SLCO5A1: variants seen among roughly 807,000 people sequenced by gnomAD.
The protein encoded by SLCO5A1 is organic anion transporter polypeptide-related protein 4.
Under a neutral mutation model 65.1 loss-of-function variants are expected in SLCO5A1, and 39 were observed. The observed-to-expected ratio is 0.60, with a 90% CI of 0.46 to 0.78. The LOEUF (loss-of-function observed/expected upper bound fraction) is 0.78, where lower values mean the gene tolerates loss of function less well. Among genes scored for constraint, SLCO5A1 ranks in the 30% least tolerant of loss-of-function variants. SLCO5A1 has a pLI of 0.00. For missense variants in SLCO5A1, 1,029 were observed against 1,069.4 expected, an observed-to-expected ratio of 0.96 and a Z score of 0.53; for synonymous variants, 438 against 415.7, an observed-to-expected ratio of 1.05 and a Z score of -0.65.
At chr8:69,737,957 T>C in intron 5 of SLCO5A1, 83 bp downstream of exon 5, 3 of 1,452,904 alleles carry the variant, frequency 2.1e-6, no homozygotes, top group African/African-American at 1.4e-5. Context: ...CACTTCGATG[T>C]TAGATTGAAC....
intron 3 of SLCO5A1, among the ~76,000 whole-genome samples, chr8:69,759,639 T>TTTTA (rs1169061256): frequency 1.5e-4 from 23 of 152,166 alleles, no homozygotes; most frequent in South Asian, 4.2e-4. Flanking sequence ...CATCTCTCAA[T>TTTTA]TTTATTTATT....
At chr8:69,786,414 A>G (rs1819042198) in intron 2 of SLCO5A1, among the ~76,000 whole-genome samples, 1 of 152,206 alleles carries the variant, frequency 6.6e-6, no homozygotes, top group African/African-American at 2.4e-5. Flanking sequence ...CTGAGGGACA[A>G]AAAAACTAAT....
At chr8:69,830,185 A>G (rs1378628558) in intron 2 of SLCO5A1, among the ~76,000 whole-genome samples, 1 of 152,130 alleles carries the variant, frequency 6.6e-6, no homozygotes, top group Non-Finnish European at 1.5e-5. Flanking sequence ...TGAGGACTCA[A>G]ACACCCCTCT....
At chr8:69,689,011 C>T (rs1347652893) in intron 6 of SLCO5A1, among the ~76,000 whole-genome samples, 7 of 147,810 alleles carry the variant, frequency 4.7e-5, no homozygotes, top group Admixed American at 3.4e-4. Flanking sequence ...TGTTTCCTGA[C>T]TTTTTAATGA....
At chr8:69,716,846 C>T (rs1815565993) in intron 5 of SLCO5A1, among the ~76,000 whole-genome samples, 1 of 151,410 alleles carries the variant, frequency 6.6e-6, no homozygotes, top group South Asian at 2.1e-4. Context: ...GTGGCACAGC[C>T]ATGGCTCACT....
intron 2 of SLCO5A1, among the ~76,000 whole-genome samples, chr8:69,803,321 GCA>G (rs1245168579): frequency 2.0e-5 from 3 of 152,172 alleles, no homozygotes; most frequent in Non-Finnish European, 4.4e-5. Flanking sequence ...GGAGGCTGAG[GCA>G]GGAGAATCAC....
intron 9 of SLCO5A1, among the ~76,000 whole-genome samples, chr8:69,674,206 A>C (rs1209046115): frequency 6.6e-6 from 1 of 152,176 alleles, no homozygotes; most frequent in East Asian, 1.9e-4. Flanking sequence ...AATGTTTACA[A>C]ATTTGTCACT....
At chr8:69,754,453 G>A (rs921998858) in intron 4 of SLCO5A1, among the ~76,000 whole-genome samples, 1 of 152,102 alleles carries the variant, frequency 6.6e-6, no homozygotes, top group African/African-American at 2.4e-5. Context: ...TTCCTCTTTG[G>A]CCACACTGTG....
chr8:69,769,949 A>G (rs1586780286), intron 2 of SLCO5A1, among the ~76,000 whole-genome samples: 1 of 152,238 alleles, frequency 6.6e-6, no homozygotes, highest in South Asian at 2.1e-4. Context: ...AAAAATCACC[A>G]CAATCTCTAC....
intron 5 of SLCO5A1, among the ~76,000 whole-genome samples, chr8:69,714,022 A>G (rs1174053240): frequency 6.6e-6 from 1 of 152,210 alleles, no homozygotes; most frequent in Non-Finnish European, 1.5e-5. Flanking sequence ...AAGCTAGCAA[A>G]TTTTAACTGA....
At chr8:69,805,542 G>A (rs1819955921) in intron 2 of SLCO5A1, among the ~76,000 whole-genome samples, 1 of 152,144 alleles carries the variant, frequency 6.6e-6, no homozygotes, top group Non-Finnish European at 1.5e-5. Flanking sequence ...TAGGCAGAGG[G>A]CAAAGATACA....
chr8:69,778,730 T>TA (rs941816103), intron 2 of SLCO5A1, among the ~76,000 whole-genome samples: 1 of 152,248 alleles, frequency 6.6e-6, no homozygotes, highest in Non-Finnish European at 1.5e-5. Flanking sequence ...AGTATTTTTT[T>TA]ACCTTGAAGA....
intron 2 of SLCO5A1, among the ~76,000 whole-genome samples, chr8:69,780,112 C>T (rs1679596144): frequency 1.3e-5 from 2 of 152,234 alleles, no homozygotes; most frequent in South Asian, 4.1e-4. Flanking sequence ...TATAATCTTA[C>T]ACCAACCAGA....
At chr8:69,674,798 A>T (rs142430226) in intron 9 of SLCO5A1, among the ~76,000 whole-genome samples, 2,583 of 151,702 alleles carry the variant, frequency 0.017, 36 homozygotes, top group South Asian at 0.029. Flanking sequence ...AAGCGGGTGG[A>T]TCACCTGAGG....
rs113542468 is a variant in SLCO5A1, at chr8:69,834,609, G to C, written c.-497+245C>G. Reference sequence around the variant, plus strand: ...CTCGCGGGGGGCGTCCGAACCCCCTGCTTAGGCGAGCGCCCTCACAGCATC... The same window carrying C: ...CTCGCGGGGGGCGTCCGAACCCCCTCCTTAGGCGAGCGCCCTCACAGCATC... On this transcript the variant is annotated intron_variant, in intron 1 of 9. Coordinates refer to ENST00000260126, the MANE Select transcript of SLCO5A1 (RefSeq NM_030958.3). Among the ~76,000 whole-genome samples, 817 of 152,228 alleles carry C rather than the reference G, an allele frequency of 5.4e-3. 3 individuals carry two copies. Among genetic ancestry groups the C allele is most frequent in the Admixed American group, 9.4e-3 (144 of 15,298 alleles).
Position 69,680,218 on chromosome 8 carries a change from T to TA in SLCO5A1, c.1783-600dup, listed in dbSNP as rs558126527. 2.5e-3 allele frequency among the ~76,000 whole-genome samples: 380 copies of TA among 152,308 alleles called. 3 individuals carry two copies. The highest frequency in any genetic ancestry group is 0.019 in the Admixed American group (285 of 15,296). The stretch of plus-strand genomic sequence containing the variant: ...TATTGTGTGATGCTGAGGTTTGGTG[T>TA]ACAGATGATCCCATCACCCAAATCA... On this transcript the variant is annotated intron_variant, in intron 7 of 9. Transcript: ENST00000260126.
intron 6 of SLCO5A1, among the ~76,000 whole-genome samples, chr8:69,685,343 C>T (rs1030495873): frequency 6.6e-6 from 1 of 152,144 alleles, no homozygotes; most frequent in Non-Finnish European, 1.5e-5. Context: ...CTCTCATTAG[C>T]CTGAAGAGAA....
chr8:69,705,440 C>T (rs2380572), intron 5 of SLCO5A1, among the ~76,000 whole-genome samples: 30,216 of 152,044 alleles, frequency 0.2, 3,562 homozygotes, highest in African/African-American at 0.33. Flanking sequence ...TAAAAACTTT[C>T]ATAAAGCAAT....
At chr8:69,802,533 A>AG (rs891148071) in intron 2 of SLCO5A1, among the ~76,000 whole-genome samples, 2 of 151,982 alleles carry the variant, frequency 1.3e-5, no homozygotes, top group African/African-American at 4.8e-5. Flanking sequence ...AAAAAAAAAA[A>AG]AAAAGTTTTA....
Sources: allele counts gnomAD v4.1 joint callset (sites outside exome capture counted in the v4.1 genomes callset), GRCh38; gene constraint gnomAD v4.1.1; transcripts MANE v1.5; gene names NCBI Gene and HGNC (gene_info 2026-07-23, HGNC 2026-07-21).